The following HIBADH variants were observed in gnomAD, a reference collection of about 807,000 sequenced individuals.
HIBADH encodes 3-hydroxyisobutyrate dehydrogenase, also known as 3-hydroxyisobutyrate dehydrogenase, mitochondrial.
A neutral mutation model predicts 36.1 loss-of-function variants in HIBADH; 25 were observed. The ratio of observed to expected loss-of-function variants is 0.69; its 90% CI spans 0.50 to 0.97. The LOEUF (loss-of-function observed/expected upper bound fraction) is 0.97. Ranked by LOEUF, HIBADH falls within the 50% of genes least tolerant of loss-of-function variation. The pLI, the probability that HIBADH is intolerant of heterozygous loss-of-function variation, is 0.00. For synonymous variants in HIBADH, 160 were observed against 149.5 expected (o/e 1.07, Z -0.51); for missense variants, 421 against 418.0 (o/e 1.01, Z -0.06).
intron 1 of HIBADH, among the ~76,000 whole-genome samples, chr7:27,656,163 C>T (rs374673929): frequency 6.6e-6 from 1 of 152,042 alleles, no homozygotes; most frequent in Non-Finnish European, 1.5e-5. Context: ...TTGAAAGCAG[C>T]CATAGACAAC....
intron 2 of HIBADH, 69 bp from the exon 3 acceptor site, chr7:27,632,514 A>G: frequency 9.6e-7 from 1 of 1,042,324 alleles, no homozygotes; most frequent in Non-Finnish European, 1.5e-6. Context: ...CACAAACAGG[A>G]TCCACTTTTC....
chr7:27,648,429 T>C (rs1459481599), intron 2 of HIBADH, among the ~76,000 whole-genome samples: 1 of 152,218 alleles, frequency 6.6e-6, no homozygotes. Flanking sequence ...GATTCAGATA[T>C]ATAGTTCTGA....
chr7:27,615,999 A>G (rs1003719892), intron 4 of HIBADH, among the ~76,000 whole-genome samples: 1 of 152,188 alleles, frequency 6.6e-6, no homozygotes, highest in Non-Finnish European at 1.5e-5. Context: ...AGGCTGGATA[A>G]TTTATAAAGA....
At position 27,531,346 on chromosome 7, in the gene HIBADH, A is replaced by T; in HGVS notation, c.698T>A (p.Leu233Ter). ...TAEAMNLGIR[L>*]GLDPKLLAKI... ...AGCCAGTAGTTTTGGGTCAAGCCCT[A>T]ACCTGTCAAAGGTCAAAGAAAAGAA... Residue 233 changes from leucine to a stop codon, truncating the protein, a stop_gained and splice_region_variant, in exon 7 of 8, where the codon TTA (leucine) becomes TAA (stop). Transcript: ENST00000265395. LOFTEE classifies it high-confidence loss of function. The T allele has an allele frequency of 6.2e-7, 1 of 1,607,480 alleles. No individual in the cohort carries two copies. Among genetic ancestry groups the T allele is most frequent in the Non-Finnish European group, 8.5e-7 (1 of 1,176,200 alleles).
intron 2 of HIBADH, among the ~76,000 whole-genome samples, chr7:27,644,316 T>C (rs1357868636): frequency 6.6e-6 from 1 of 150,916 alleles, no homozygotes. Context: ...ATACAAAAAA[T>C]TGGCCGGGCA....
At chr7:27,584,446 G>C (rs1223745865) in intron 4 of HIBADH, among the ~76,000 whole-genome samples, 3 of 152,032 alleles carry the variant, frequency 2.0e-5, no homozygotes, top group Non-Finnish European at 4.4e-5. Flanking sequence ...TCAGATACAA[G>C]TTTTCCAAAA....
chr7:27,543,091 G>A lies in HIBADH; in HGVS notation c.494C>T (p.Ala165Val), dbSNP rs1378106903. Residue 165 changes from alanine to valine, a missense_variant, in exon 5 of 8, where the codon GCT becomes GTT. Physicochemically the swap from Ala to Val is moderately conservative, Grantham distance 64 (BLOSUM62 0). Coordinates refer to ENST00000265395, the MANE Select transcript of HIBADH (RefSeq NM_152740.4). ...AAACGTGAGGTTCCCAGATCGTGCA[G>A]CTCCTACACCTGAATCATTTGGGGG... Reference protein sequence around the residue: ...MDAPVSGGVGAARSGNLTFMV... With the variant: ...MDAPVSGGVGVARSGNLTFMV... 6.2e-7 allele frequency: 1 copy of A among 1,613,624 alleles called. No individual in the cohort carries two copies.
chr7:27,632,088 G>T (rs973418472), intron 3 of HIBADH, among the ~76,000 whole-genome samples: 4 of 152,110 alleles, frequency 2.6e-5, no homozygotes, highest in Middle Eastern at 3.2e-3. Context: ...ACTAGTGAAA[G>T]GGTAAGTTTA....
chr7:27,573,727 G>A (rs979514735), intron 4 of HIBADH, among the ~76,000 whole-genome samples: 1 of 152,182 alleles, frequency 6.6e-6, no homozygotes, highest in Non-Finnish European at 1.5e-5. Flanking sequence ...GCAACATGTG[G>A]CTGCTGAGAA....
chr7:27,628,917 T>C (rs1785695881), intron 4 of HIBADH, among the ~76,000 whole-genome samples: 1 of 152,090 alleles, frequency 6.6e-6, no homozygotes, highest in South Asian at 2.1e-4. Flanking sequence ...CTGGAAAAGT[T>C]CGTATAAAAT....
intron 4 of HIBADH, among the ~76,000 whole-genome samples, chr7:27,546,718 T>C (rs1245251221): frequency 6.6e-6 from 1 of 152,192 alleles, no homozygotes; most frequent in Admixed American, 6.5e-5. Context: ...TTGTTTTATC[T>C]ATTCAACACA....
intron 2 of HIBADH, among the ~76,000 whole-genome samples, chr7:27,647,411 G>GA (rs1253351010): frequency 6.6e-6 from 1 of 152,184 alleles, no homozygotes; most frequent in African/African-American, 2.4e-5. Flanking sequence ...TGAAATCGTA[G>GA]AAAGTGAAAC....
chr7:27,594,150 TTG>T lies in HIBADH; in HGVS notation c.484+35219_484+35220del, dbSNP rs1373154159. ...GTTACATAAAGATGTTTTTGTTTTT[TTG>T]TTTTTTTTCTGAAACAGAGTTTCGC... On this transcript the variant is annotated intron_variant, in intron 4 of 7. Coordinates refer to ENST00000265395, the MANE Select transcript of HIBADH (RefSeq NM_152740.4). Among the ~76,000 whole-genome samples the T allele has an allele frequency of 2.9e-4, 41 of 140,916 alleles. 1 individual carries two copies. Among genetic ancestry groups the T allele is most frequent in the African/African-American group, 7.1e-4 (26 of 36,814 alleles). 92.4% of individuals were successfully genotyped at this position (140,916 alleles called of 152,430 possible).
At chr7:27,587,506 A>G (rs1562632665) in intron 4 of HIBADH, among the ~76,000 whole-genome samples, 3 of 152,184 alleles carry the variant, frequency 2.0e-5, no homozygotes, top group Non-Finnish European at 1.5e-5. Flanking sequence ...ACTTTTAAAT[A>G]AAAAGAAAAG....
At chr7:27,551,371 A>G (rs1398113144) in intron 4 of HIBADH, among the ~76,000 whole-genome samples, 2 of 152,222 alleles carry the variant, frequency 1.3e-5, no homozygotes, top group African/African-American at 4.8e-5. Context: ...AGTGATAAAA[A>G]CACTGGCCAT....
chr7:27,566,359 G>T (rs559172668), intron 4 of HIBADH, among the ~76,000 whole-genome samples: 7 of 151,446 alleles, frequency 4.6e-5, no homozygotes, highest in African/African-American at 9.7e-5. Context: ...ATAATTTTTA[G>T]TAGTTTGTGG....
chr7:27,592,149 C>T (rs1004881563), intron 4 of HIBADH, among the ~76,000 whole-genome samples: 6 of 152,198 alleles, frequency 3.9e-5, no homozygotes, highest in African/African-American at 1.4e-4. Flanking sequence ...CTCACCTATT[C>T]CAGAAAGGCT....
At chr7:27,653,528 G>A (rs914381048) in intron 1 of HIBADH, among the ~76,000 whole-genome samples, 4 of 152,156 alleles carry the variant, frequency 2.6e-5, no homozygotes, top group Non-Finnish European at 5.9e-5. Flanking sequence ...GAGGTCAGGA[G>A]ATCGAGACCA....
intron 4 of HIBADH, among the ~76,000 whole-genome samples, chr7:27,620,768 A>G (rs1785526888): frequency 6.6e-6 from 1 of 152,186 alleles, no homozygotes; most frequent in South Asian, 2.1e-4. Flanking sequence ...GTACCAATAC[A>G]GAAATCCACC....
Sources: gnomAD v4.1 joint callset for allele counts (sites outside exome capture counted in the v4.1 genomes callset) on GRCh38, gnomAD v4.1.1 for gene constraint, MANE v1.5 for transcripts, NCBI Gene and HGNC (gene_info 2026-07-23, HGNC 2026-07-21) for gene names.